The following RCAN2 variants were observed in gnomAD, a reference collection of about 807,000 sequenced individuals.
RCAN2 encodes calcipressin-2.
A neutral mutation model predicts 23.6 loss-of-function variants in RCAN2; 9 were observed. The observed-to-expected ratio is 0.38, with a 90% CI of 0.23 to 0.67. The LOEUF (loss-of-function observed/expected upper bound fraction) is 0.67, where lower values mean the gene tolerates loss of function less well. Among genes scored for constraint, RCAN2 ranks in the 30% least tolerant of loss-of-function variants. The pLI, the probability that RCAN2 is intolerant of heterozygous loss-of-function variation, is 0.51. For synonymous variants in RCAN2, 109 were observed against 115.7 expected (o/e 0.94, Z 0.37); for missense variants, 273 against 302.3 (o/e 0.90, Z 0.72).
At chr6:46,303,056 A>T (rs1444573898) in intron 2 of RCAN2, among the ~76,000 whole-genome samples, 2 of 151,996 alleles carry the variant, frequency 1.3e-5, no homozygotes, top group African/African-American at 4.8e-5. Flanking sequence ...GAAATTCATG[A>T]CCCATATGGT....
intron 2 of RCAN2, among the ~76,000 whole-genome samples, chr6:46,397,743 T>C (rs896496863): frequency 2.0e-5 from 3 of 152,198 alleles, no homozygotes; most frequent in Admixed American, 6.5e-5. Context: ...TAGTCTATAA[T>C]GAATGAATGA....
intron 1 of RCAN2, among the ~76,000 whole-genome samples, chr6:46,483,571 T>C (rs1005479791): frequency 6.6e-6 from 1 of 152,210 alleles, no homozygotes; most frequent in African/African-American, 2.4e-5. Flanking sequence ...TTTGAAAATC[T>C]GACTGAGTAA....
intron 2 of RCAN2, among the ~76,000 whole-genome samples, chr6:46,335,056 C>T (rs1764096911): frequency 6.6e-6 from 1 of 152,160 alleles, no homozygotes; most frequent in Non-Finnish European, 1.5e-5. Flanking sequence ...CCTTCTCCTC[C>T]CATATTGGAT....
At chr6:46,483,476 C>T (rs1768918282) in intron 1 of RCAN2, among the ~76,000 whole-genome samples, 1 of 152,120 alleles carries the variant, frequency 6.6e-6, no homozygotes, top group African/African-American at 2.4e-5. Context: ...GAGGCTGAAA[C>T]CAAACCAGCA....
Position 46,327,511 on chromosome 6 carries a change from C to T in RCAN2, c.226-78615G>A, listed in dbSNP as rs551802533. ...GCCAGATGATGCAAAACCTGGCCAA[C>T]ATGAAGTACCAGGCAGCTTTTGAAA... is the stretch of plus-strand genomic sequence containing the variant. On this transcript the variant is annotated intron_variant, in intron 2 of 4. Coordinates refer to ENST00000371374, the MANE Select transcript of RCAN2 (RefSeq NM_001251974.2). 7.9e-5 allele frequency among the ~76,000 whole-genome samples: 12 copies of T among 152,194 alleles called. 1 individual carries two copies. Among genetic ancestry groups the T allele is most frequent in the Non-Finnish European group, 1.8e-4 (12 of 68,018 alleles).
intron 2 of RCAN2, among the ~76,000 whole-genome samples, chr6:46,432,649 G>A (rs528917283): frequency 1.0e-3 from 158 of 152,266 alleles, no homozygotes; most frequent in African/African-American, 3.4e-3. Context: ...CTTGGCCAAC[G>A]TGTTCACTGA....
At chr6:46,426,056 G>C (rs1319981214) in intron 2 of RCAN2, among the ~76,000 whole-genome samples, 1 of 151,758 alleles carries the variant, frequency 6.6e-6, no homozygotes, top group East Asian at 1.9e-4. Context: ...CCACCACCAT[G>C]CCCAGCTAAT....
intron 2 of RCAN2, among the ~76,000 whole-genome samples, chr6:46,413,819 A>C (rs887583980): frequency 1.3e-5 from 2 of 152,184 alleles, no homozygotes; most frequent in Non-Finnish European, 2.9e-5. Flanking sequence ...ACAGATTGAA[A>C]GATGAGGCTT....
At chr6:46,275,055 A>G (rs1219444103) in intron 2 of RCAN2, among the ~76,000 whole-genome samples, 2 of 152,164 alleles carry the variant, frequency 1.3e-5, no homozygotes, top group African/African-American at 2.4e-5. Context: ...CTTAACAACC[A>G]TATCTCAACA....
intron 2 of RCAN2, among the ~76,000 whole-genome samples, chr6:46,393,783 C>A (rs1223514123): frequency 6.6e-6 from 1 of 152,116 alleles, no homozygotes; most frequent in Admixed American, 6.6e-5. Context: ...TCTTGGAACT[C>A]TTCCATTTTC....
At chr6:46,303,472 C>T (rs1480709658) in intron 2 of RCAN2, among the ~76,000 whole-genome samples, 2 of 152,066 alleles carry the variant, frequency 1.3e-5, no homozygotes, top group Non-Finnish European at 2.9e-5. Flanking sequence ...TACTTCTTCT[C>T]CTACTTGACC....
intron 2 of RCAN2, among the ~76,000 whole-genome samples, chr6:46,419,068 C>T (rs889552866): frequency 1.3e-5 from 2 of 152,160 alleles, no homozygotes; most frequent in Non-Finnish European, 2.9e-5. Flanking sequence ...AATCTGTGCT[C>T]TTCAGGCCGT....
At chr6:46,378,644 AC>A (rs1263838379) in intron 2 of RCAN2, among the ~76,000 whole-genome samples, 1 of 152,202 alleles carries the variant, frequency 6.6e-6, no homozygotes, top group Non-Finnish European at 1.5e-5. Context: ...CAGGTTGTAC[AC>A]TGCACAAGCC....
intron 2 of RCAN2, among the ~76,000 whole-genome samples, chr6:46,342,712 C>T (rs1161962757): frequency 6.6e-6 from 1 of 151,540 alleles, no homozygotes; most frequent in South Asian, 2.1e-4. Flanking sequence ...TACATGTTTG[C>T]TTTCATCCTT....
At chr6:46,321,508 G>A (rs1018418022) in intron 2 of RCAN2, among the ~76,000 whole-genome samples, 1 of 152,224 alleles carries the variant, frequency 6.6e-6, no homozygotes, top group Non-Finnish European at 1.5e-5. Flanking sequence ...TGAGCGGAAG[G>A]GAGCTTTGTG....
chr6:46,397,465 T>G (rs1051004828), intron 2 of RCAN2, among the ~76,000 whole-genome samples: 3 of 151,954 alleles, frequency 2.0e-5, no homozygotes, highest in Non-Finnish European at 4.4e-5. Context: ...GTTAAGAGTA[T>G]TATTCTAATG....
At chr6:46,241,149 T>C (rs1156317278) in intron 4 of RCAN2, among the ~76,000 whole-genome samples, 1 of 152,244 alleles carries the variant, frequency 6.6e-6, no homozygotes, top group Admixed American at 6.5e-5. Flanking sequence ...GCCACGTGCG[T>C]CTCTATTTTA....
At chr6:46,317,473 A>AT (rs1763475888) in intron 2 of RCAN2, among the ~76,000 whole-genome samples, 1 of 151,746 alleles carries the variant, frequency 6.6e-6, no homozygotes, top group Non-Finnish European at 1.5e-5. Flanking sequence ...ATTTATTTTT[A>AT]TTTTTTGAGA....
chr6:46,228,556 G>C (rs1312149397), intron 4 of RCAN2, among the ~76,000 whole-genome samples: 6 of 152,008 alleles, frequency 3.9e-5, no homozygotes, highest in Admixed American at 3.9e-4. Context: ...TTTGGTCTTT[G>C]TTGGTTTAAA....
Sources: allele counts gnomAD v4.1 joint callset (sites outside exome capture counted in the v4.1 genomes callset), GRCh38; gene constraint gnomAD v4.1.1; transcripts MANE v1.5; gene names NCBI Gene and HGNC (gene_info 2026-07-23, HGNC 2026-07-21).